Variants in MBD5 observed in about 807,000 individuals in gnomAD.
MBD5 encodes methyl-CpG-binding domain protein 5.
A neutral mutation model predicts 117.3 loss-of-function variants in MBD5; 13 were observed. The observed-to-expected ratio is 0.11, with a 90% CI of 0.07 to 0.18. The LOEUF is 0.18. MBD5 is among the 10% of genes least tolerant of loss of function. The probability of loss-of-function intolerance (pLI) is 1.00; values close to 1 mark genes in which losing one functional copy is unlikely to be tolerated. For missense variants in MBD5, 1,879 were observed against 2,093.8 expected (o/e 0.90, Z 2.00); for synonymous variants, 727 against 766.4 (o/e 0.95, Z 0.85).
chr2:148,284,073 A>C (rs1049537116), intron 3 of MBD5, among the ~76,000 whole-genome samples: 2 of 152,174 alleles, frequency 1.3e-5, no homozygotes, highest in African/African-American at 2.4e-5. Flanking sequence ...TTCTTACACA[A>C]ATAGTAGCAT....
chr2:148,171,413 G>T (rs909069267), intron 1 of MBD5, among the ~76,000 whole-genome samples: 4 of 152,110 alleles, frequency 2.6e-5, no homozygotes, highest in Admixed American at 6.5e-5. Context: ...AAAAATACTT[G>T]ACAAAATTCA....
chr2:148,426,513 C>G (rs1291977297), intron 4 of MBD5, among the ~76,000 whole-genome samples: 1 of 152,070 alleles, frequency 6.6e-6, no homozygotes, highest in East Asian at 1.9e-4. Flanking sequence ...CTACAACTAT[C>G]TGATCTTTGA....
At chr2:148,035,823 A>G (rs557364534) in intron 1 of MBD5, among the ~76,000 whole-genome samples, 2 of 152,108 alleles carry the variant, frequency 1.3e-5, no homozygotes, top group Non-Finnish European at 2.9e-5. Flanking sequence ...AGTTGTGTCC[A>G]CCTCAGGGTT....
chr2:148,328,362 G>T (rs1702525983), intron 3 of MBD5, among the ~76,000 whole-genome samples: 1 of 152,178 alleles, frequency 6.6e-6, no homozygotes, highest in African/African-American at 2.4e-5. Context: ...GCTGTGGTGG[G>T]CTCCACCCAG....
intron 3 of MBD5, among the ~76,000 whole-genome samples, chr2:148,250,516 A>C (rs957635208): frequency 6.6e-5 from 10 of 152,226 alleles, no homozygotes; most frequent in Admixed American, 2.0e-4. Context: ...ATTGAAGACA[A>C]CTAGGGCTTT....
intron 3 of MBD5, among the ~76,000 whole-genome samples, chr2:148,319,788 G>A (rs1048275029): frequency 1.3e-5 from 2 of 152,136 alleles, no homozygotes; most frequent in Non-Finnish European, 2.9e-5. Context: ...TTCCGGTACT[G>A]TGTGGAATAA....
chr2:148,182,965 G>T (rs1698563978), intron 2 of MBD5, among the ~76,000 whole-genome samples: 1 of 152,118 alleles, frequency 6.6e-6, no homozygotes, highest in South Asian at 2.1e-4. Context: ...TCTTGCTTCA[G>T]TTAAACTCCC....
chr2:148,249,919 C>T (rs957014523), intron 3 of MBD5, among the ~76,000 whole-genome samples: 2 of 152,070 alleles, frequency 1.3e-5, no homozygotes, highest in African/African-American at 4.8e-5. Context: ...CACAGGATAA[C>T]CCTCCACAGC....
chr2:148,282,899 G>T (rs10207596), intron 3 of MBD5, among the ~76,000 whole-genome samples: 3 of 64,074 alleles, frequency 4.7e-5, no homozygotes, highest in Admixed American at 1.5e-4. Flanking sequence ...AGACTTAACC[G>T]CCCCCCCCCA....
chr2:148,043,618 T>C (rs947992117), intron 1 of MBD5, among the ~76,000 whole-genome samples: 10 of 152,156 alleles, frequency 6.6e-5, no homozygotes, highest in African/African-American at 2.4e-4. Flanking sequence ...AGTTCTGCCT[T>C]TGGCCTAGAA....
chr2:148,331,962 A>G (rs1702669682), intron 3 of MBD5, among the ~76,000 whole-genome samples: 1 of 152,176 alleles, frequency 6.6e-6, no homozygotes, highest in Non-Finnish European at 1.5e-5. Flanking sequence ...GTAACAGAAG[A>G]TAAAACAAAA....
At chr2:148,224,514 T>A (rs950606317) in intron 2 of MBD5, among the ~76,000 whole-genome samples, 3 of 126,990 alleles carry the variant, frequency 2.4e-5, no homozygotes, top group African/African-American at 9.3e-5. Context: ...GGCTAATTTT[T>A]TTTTTTTTTT....
chr2:148,485,435 T>C (rs972502791), intron 9 of MBD5: 1 of 297,536 alleles, frequency 3.4e-6, no homozygotes, highest in African/African-American at 2.2e-5. Context: ...AGATCTAAAA[T>C]CTAAAAATAG....
At chr2:148,296,291 G>T in intron 3 of MBD5, 1 of 174,478 alleles carries the variant, frequency 5.7e-6, no homozygotes. Flanking sequence ...GAACCCATGG[G>T]TATCTTGTTG....
At chr2:148,066,339 A>AATGTATAC (rs1695192461) in intron 1 of MBD5, among the ~76,000 whole-genome samples, 1 of 152,044 alleles carries the variant, frequency 6.6e-6, no homozygotes, top group South Asian at 2.1e-4. Flanking sequence ...ATCAATAATA[A>AATGTATAC]ATGTATACCA....
intron 4 of MBD5, among the ~76,000 whole-genome samples, chr2:148,381,929 G>C (rs1399542645): frequency 2.0e-5 from 3 of 152,076 alleles, no homozygotes; most frequent in African/African-American, 7.2e-5. Flanking sequence ...GTCACCACCA[G>C]GCCTGCCCTA....
At chr2:148,107,465 T>C (rs1404427126) in intron 1 of MBD5, among the ~76,000 whole-genome samples, 3 of 152,024 alleles carry the variant, frequency 2.0e-5, no homozygotes, top group Admixed American at 1.3e-4. Context: ...CTCTACCTTC[T>C]CTCTTTGCTA....
chr2:148,160,067 T>C (rs921911719), intron 1 of MBD5, among the ~76,000 whole-genome samples: 3 of 151,828 alleles, frequency 2.0e-5, no homozygotes, highest in Non-Finnish European at 2.9e-5. Context: ...ACCTGTGGGG[T>C]TTTCTAGACA....
chr2:148,087,110 G>A (rs1309482959), intron 1 of MBD5, among the ~76,000 whole-genome samples: 2 of 152,170 alleles, frequency 1.3e-5, no homozygotes, highest in Non-Finnish European at 2.9e-5. Context: ...TCACACCATG[G>A]ACTTTTGCTC....
Sources: allele counts gnomAD v4.1 joint callset (sites outside exome capture counted in the v4.1 genomes callset), GRCh38; gene constraint gnomAD v4.1.1; transcripts MANE v1.5; gene names NCBI Gene and HGNC (gene_info 2026-07-23, HGNC 2026-07-21).